Variants in POU6F2 observed in about 807,000 individuals in gnomAD.
POU6F2 encodes POU class 6 homeobox 2, also known as POU domain, class 6, transcription factor 2.
A neutral mutation model predicts 71.3 loss-of-function variants in POU6F2; 31 were observed. That is an observed-to-expected ratio of 0.43 (90% CI 0.33 to 0.59). POU6F2 has a LOEUF of 0.59. Ranked by LOEUF, POU6F2 falls within the 20% of genes least tolerant of loss-of-function variation. The pLI, the probability that POU6F2 is intolerant of heterozygous loss-of-function variation, is 0.04. For synonymous variants in POU6F2, 347 were observed against 355.7 expected (o/e 0.98, Z 0.27); for missense variants, 783 against 856.8 (o/e 0.91, Z 1.07).
Position 39,056,664 on chromosome 7 carries a change from G to C in POU6F2, c.106-29196G>C, listed in dbSNP as rs200059615. Among the ~76,000 whole-genome samples, 803 of 97,152 alleles carry C rather than the reference G, an allele frequency of 8.3e-3. 3 individuals carry two copies. The highest frequency in any genetic ancestry group is 0.026 in the African/African-American group (519 of 19,708). 63.7% of individuals were successfully genotyped at this position (97,152 alleles called of 152,430 possible). A position where few individuals can be genotyped will look rare whatever the true frequency, so the allele number is the denominator to read the frequency against. On this transcript the variant is annotated intron_variant, in intron 1 of 9. Coordinates refer to ENST00000518318, the MANE Select transcript of POU6F2 (RefSeq NM_001370959.1). ...TTTCTCTTTTTCTCTCTCTCTCTCT[G>C]TGTGTGTGTGTGTATGTGTGTGTGT...
chr7:39,149,520 T>C (rs1792699687), intron 2 of POU6F2, among the ~76,000 whole-genome samples: 1 of 152,208 alleles, frequency 6.6e-6, no homozygotes, highest in Non-Finnish European at 1.5e-5. Flanking sequence ...ATAATTTTTG[T>C]GATAAGAGCA....
At chr7:39,079,204 T>TC (rs1034865749) in intron 1 of POU6F2, among the ~76,000 whole-genome samples, 10 of 138,604 alleles carry the variant, frequency 7.2e-5, no homozygotes, top group African/African-American at 2.7e-4. Flanking sequence ...TTTTTTTTTT[T>TC]CCGAGACGGA....
intron 5 of POU6F2, among the ~76,000 whole-genome samples, chr7:39,365,640 C>G (rs1786485965): frequency 6.6e-6 from 1 of 152,106 alleles, no homozygotes; most frequent in South Asian, 2.1e-4. Context: ...ATACATCTGA[C>G]AAAGGACTAA....
chr7:39,274,941 A>AT, intron 4 of POU6F2, among the ~76,000 whole-genome samples: 1 of 150,584 alleles, frequency 6.6e-6, no homozygotes, highest in African/African-American at 2.5e-5. Context: ...CACAGCCAAT[A>AT]TCATACTGAA....
chr7:39,394,080 G>A (rs1271045850), intron 5 of POU6F2, among the ~76,000 whole-genome samples: 5 of 152,172 alleles, frequency 3.3e-5, no homozygotes, highest in Admixed American at 1.3e-4. Flanking sequence ...GCTATGCTGG[G>A]CAGACTCTCA....
At chr7:39,167,481 T>C (rs1428987358) in intron 2 of POU6F2, among the ~76,000 whole-genome samples, 2 of 152,128 alleles carry the variant, frequency 1.3e-5, no homozygotes, top group African/African-American at 4.8e-5. Flanking sequence ...GAACATTGTA[T>C]GGATATCTTT....
chr7:39,086,407 T>C (rs1791246799), intron 2 of POU6F2, among the ~76,000 whole-genome samples: 1 of 152,112 alleles, frequency 6.6e-6, no homozygotes, highest in African/African-American at 2.4e-5. Flanking sequence ...CAGCCTTTTG[T>C]TAAGGGGAAG....
chr7:39,334,840 C>G (rs1003829899), intron 4 of POU6F2, among the ~76,000 whole-genome samples: 1 of 152,122 alleles, frequency 6.6e-6, no homozygotes, highest in African/African-American at 2.4e-5. Flanking sequence ...ACAATAAATA[C>G]AGAGTTAGGG....
At chr7:39,010,625 A>G (rs1789248621) in intron 1 of POU6F2, among the ~76,000 whole-genome samples, 1 of 138,246 alleles carries the variant, frequency 7.2e-6, no homozygotes, top group African/African-American at 2.7e-5. Flanking sequence ...TAGGGTGTCA[A>G]TTTTGGATCT....
chr7:39,164,725 C>T (rs575418590), intron 2 of POU6F2, among the ~76,000 whole-genome samples: 2 of 151,424 alleles, frequency 1.3e-5, no homozygotes, highest in African/African-American at 4.9e-5. Context: ...CACATGTGAG[C>T]GAAGGAAAGG....
At chr7:39,279,563 G>C (rs1018987660) in intron 4 of POU6F2, among the ~76,000 whole-genome samples, 26 of 152,122 alleles carry the variant, frequency 1.7e-4, no homozygotes, top group African/African-American at 6.3e-4. Flanking sequence ...CTGAAATCAA[G>C]GTGTCAACAG....
chr7:39,436,525 G>A (rs751658059), intron 7 of POU6F2, among the ~76,000 whole-genome samples: 6 of 142,728 alleles, frequency 4.2e-5, no homozygotes, highest in African/African-American at 8.2e-5. Flanking sequence ...TTTTGGGGCC[G>A]AGACGATGGG....
At chr7:39,097,433 C>T (rs1791477185) in intron 2 of POU6F2, among the ~76,000 whole-genome samples, 1 of 152,192 alleles carries the variant, frequency 6.6e-6, no homozygotes, top group Admixed American at 6.5e-5. Context: ...CATCAACTCT[C>T]TGTTGTCTCC....
intron 1 of POU6F2, among the ~76,000 whole-genome samples, chr7:39,030,500 C>CTATATATATATATATATATA (rs58426134): frequency 5.2e-4 from 24 of 46,238 alleles, no homozygotes; most frequent in East Asian, 2.0e-3. Context: ...TCAAAAAATA[C>CTATATATATATATATATATA]TATATATATA....
intron 4 of POU6F2, among the ~76,000 whole-genome samples, chr7:39,304,656 T>C (rs1785017243): frequency 6.6e-6 from 1 of 152,068 alleles, no homozygotes; most frequent in South Asian, 2.1e-4. Context: ...AAGTCCTCCA[T>C]CCAAAGATTA....
intron 1 of POU6F2, among the ~76,000 whole-genome samples, chr7:38,986,666 TA>T (rs1788471884): frequency 6.6e-6 from 1 of 152,120 alleles, no homozygotes; most frequent in South Asian, 2.1e-4. Context: ...AATTTTTTAC[TA>T]AAAAATTATA....
chr7:39,390,518 A>G (rs924588434), intron 5 of POU6F2, among the ~76,000 whole-genome samples: 5 of 152,206 alleles, frequency 3.3e-5, no homozygotes, highest in African/African-American at 1.2e-4. Context: ...ATCTTAACCA[A>G]TTTGCATGAA....
chr7:39,100,572 A>G (rs1293202032), intron 2 of POU6F2, among the ~76,000 whole-genome samples: 1 of 152,224 alleles, frequency 6.6e-6, no homozygotes, highest in Non-Finnish European at 1.5e-5. Flanking sequence ...GTGTCGATCA[A>G]TGTCAATAAA....
chr7:39,331,728 C>G (rs1049295364), intron 4 of POU6F2, among the ~76,000 whole-genome samples: 7 of 152,194 alleles, frequency 4.6e-5, no homozygotes, highest in African/African-American at 1.4e-4. Flanking sequence ...CCAGGCTGGT[C>G]TCGAACTCCT....
Sources: allele counts gnomAD v4.1 joint callset (sites outside exome capture counted in the v4.1 genomes callset), GRCh38; gene constraint gnomAD v4.1.1; transcripts MANE v1.5; gene names NCBI Gene and HGNC (gene_info 2026-07-23, HGNC 2026-07-21).